Variants in LRRIQ1 observed in about 807,000 individuals in gnomAD.
The protein encoded by LRRIQ1 is leucine-rich repeat- and IQ domain-containing protein 1.
LRRIQ1 carries 210 observed loss-of-function variants against 211.9 expected under a neutral mutation model. That is an observed-to-expected ratio of 0.99 (90% CI 0.89 to 1.11). LRRIQ1 has a LOEUF of 1.11. Among genes scored for constraint, LRRIQ1 ranks in the 50% most tolerant of loss-of-function variants. The pLI, the probability that LRRIQ1 is intolerant of heterozygous loss-of-function variation, is 0.00. For synonymous variants in LRRIQ1, 699 were observed against 650.1 expected, an observed-to-expected ratio of 1.08 and a Z score of -1.14; for missense variants, 2,136 against 1,939.5, an observed-to-expected ratio of 1.10 and a Z score of -1.90.
At chr12:85,237,232 G>A (rs1298461587) in intron 26 of LRRIQ1, among the ~76,000 whole-genome samples, 1 of 151,984 alleles carries the variant, frequency 6.6e-6, no homozygotes, top group Non-Finnish European at 1.5e-5. Context: ...TGAAAAACAG[G>A]CAGCACAGGA....
intron 26 of LRRIQ1, among the ~76,000 whole-genome samples, chr12:85,239,926 T>G (rs1895387741): frequency 1.3e-5 from 2 of 151,946 alleles, no homozygotes; most frequent in Non-Finnish European, 2.9e-5. Flanking sequence ...TGCAGTGAAC[T>G]GAGATCACAC....
In LRRIQ1 at chr12:85,243,653, A is replaced by G. The variant is rs1300287079; in HGVS notation, c.5017-1136A>G. Among the ~76,000 whole-genome samples the G allele has an allele frequency of 2.0e-5, 3 of 151,496 alleles. No individual in the cohort carries two copies. In the East Asian group the frequency reaches 5.8e-4, roughly 29 times the overall value. On this transcript the variant is annotated intron_variant, in intron 26 of 26. Transcript: ENST00000393217. ...ACATTGTGTTGTACATGATACATGT[A>G]TACAATTTTTGTTTGTCAATTAAGA...
At chr12:85,192,949 T>C (rs1467766885) in intron 24 of LRRIQ1, among the ~76,000 whole-genome samples, 1 of 88,930 alleles carries the variant, frequency 1.1e-5, no homozygotes, top group African/African-American at 4.7e-5. Flanking sequence ...TATATAAATA[T>C]ATAATTATAT....
chr12:85,270,719 CACTGT>C, the LRRIQ1 span, among the ~76,000 whole-genome samples: 1 of 152,066 alleles, frequency 6.6e-6, no homozygotes, highest in Non-Finnish European at 1.5e-5. Flanking sequence ...TATGACCAGG[CACTGT>C]TCTAAATGCT....
At chr12:85,268,903 T>G (rs541736745), downstream of LRRIQ1, among the ~76,000 whole-genome samples, 18 of 152,130 alleles carry the variant, frequency 1.2e-4, no homozygotes, top group African/African-American at 3.8e-4. Context: ...AAGGAACTTA[T>G]AGTTTAGTAT....
At chr12:85,204,928 G>T (rs899809799) in intron 24 of LRRIQ1, among the ~76,000 whole-genome samples, 2 of 152,070 alleles carry the variant, frequency 1.3e-5, no homozygotes, top group Non-Finnish European at 2.9e-5. Context: ...CAGGGGCTGG[G>T]GTGGAATGAT....
At chr12:85,087,051 G>A (rs867191986) in intron 11 of LRRIQ1, among the ~76,000 whole-genome samples, 38 of 151,886 alleles carry the variant, frequency 2.5e-4, no homozygotes, top group Middle Eastern at 3.4e-3. Context: ...CCATTAACTC[G>A]TCATTTACAT....
At chr12:85,109,052 A>G (rs564759356) in intron 15 of LRRIQ1, among the ~76,000 whole-genome samples, 3 of 152,252 alleles carry the variant, frequency 2.0e-5, no homozygotes, top group African/African-American at 7.2e-5. Context: ...GTTTCTCTGC[A>G]AGGTGTGGCC....
chr12:85,185,924 AATG>A (rs955809104), intron 24 of LRRIQ1, among the ~76,000 whole-genome samples: 66 of 152,136 alleles, frequency 4.3e-4, no homozygotes, highest in African/African-American at 1.5e-3. Flanking sequence ...ATGATATATA[AATG>A]ATAAGTAACT....
At chr12:85,099,290 G>A (rs757107089) in intron 13 of LRRIQ1, among the ~76,000 whole-genome samples, 24 of 151,572 alleles carry the variant, frequency 1.6e-4, no homozygotes, top group African/African-American at 1.9e-4. Flanking sequence ...ATGTTTATAC[G>A]GAGCATAGTC....
intron 24 of LRRIQ1, among the ~76,000 whole-genome samples, chr12:85,171,495 A>G (rs1891415389): frequency 1.3e-5 from 2 of 152,290 alleles, no homozygotes; most frequent in South Asian, 4.1e-4. Flanking sequence ...AAAGACAGAA[A>G]TTTTAATAAG....
intron 24 of LRRIQ1, 39 bp from the exon 25 acceptor site, chr12:85,229,478 C>T (rs767796491): frequency 6.5e-7 from 1 of 1,542,924 alleles, no homozygotes; most frequent in East Asian, 2.3e-5. Flanking sequence ...AGTTTGGTCT[C>T]TTTAAATAAT....
chr12:85,195,544 C>G (rs1892855734), intron 24 of LRRIQ1, among the ~76,000 whole-genome samples: 1 of 152,080 alleles, frequency 6.6e-6, no homozygotes, highest in Non-Finnish European at 1.5e-5. Context: ...TTAATGTAAT[C>G]CAGCATATAA....
At chr12:85,178,186 T>TA (rs1766853400) in intron 24 of LRRIQ1, among the ~76,000 whole-genome samples, 2 of 152,110 alleles carry the variant, frequency 1.3e-5, no homozygotes, top group African/African-American at 4.8e-5. Flanking sequence ...GATGTTGTCT[T>TA]ACCTGATACA....
rs1474424665 is a variant in LRRIQ1 at position 85,229,465 on chromosome 12, CA to C, written c.4823-49del. On this transcript the variant is annotated intron_variant, in intron 24 of 26. Coordinates refer to ENST00000393217, the MANE Select transcript of LRRIQ1 (RefSeq NM_001079910.2). ...TTTAGCACAGATGGAACTGGTTGGC[CA>C]AAGTTTGGTCTCTTTAAATAATAAG... The C allele has an allele frequency of 1.0e-4, 155 of 1,497,508 alleles. No homozygotes were observed. The Middle Eastern group carries it at 1.6e-3, about 16-fold the overall frequency. 92.8% of individuals were successfully genotyped at this position (1,497,508 alleles called of 1,614,324 possible).
chr12:85,116,533 A>G (rs759065661), intron 15 of LRRIQ1, among the ~76,000 whole-genome samples: 1 of 152,146 alleles, frequency 6.6e-6, no homozygotes, highest in Admixed American at 6.5e-5. Context: ...TCATACAATC[A>G]AAGACAGCAG....
At chr12:85,147,455 C>T (rs1218574021) in intron 19 of LRRIQ1, among the ~76,000 whole-genome samples, 1 of 151,782 alleles carries the variant, frequency 6.6e-6, no homozygotes, top group East Asian at 1.9e-4. Flanking sequence ...ACAGACAGGG[C>T]TATAGGCAGC....
At chr12:85,192,420 AT>A (rs1239868311) in intron 24 of LRRIQ1, among the ~76,000 whole-genome samples, 3 of 132,618 alleles carry the variant, frequency 2.3e-5, no homozygotes, top group South Asian at 2.1e-4. Flanking sequence ...AATTATATAC[AT>A]TTATATATAT....
intron 24 of LRRIQ1, among the ~76,000 whole-genome samples, chr12:85,227,368 G>A (rs1422534372): frequency 1.3e-5 from 2 of 152,080 alleles, no homozygotes; most frequent in Non-Finnish European, 2.9e-5. Flanking sequence ...TTGGTGTGCT[G>A]CACCCATTAA....
Sources: allele counts gnomAD v4.1 joint callset (sites outside exome capture counted in the v4.1 genomes callset), GRCh38; gene constraint gnomAD v4.1.1; transcripts MANE v1.5; gene names NCBI Gene and HGNC (gene_info 2026-07-23, HGNC 2026-07-21).